TMEM231: variants seen among roughly 807,000 people sequenced by gnomAD.
TMEM231 encodes transmembrane protein 231.
A neutral mutation model predicts 38.5 loss-of-function variants in TMEM231; 40 were observed. That is an observed-to-expected ratio of 1.04 (90% CI 0.81 to 1.35). TMEM231 has a LOEUF of 1.35. TMEM231 is among the 40% of genes most tolerant of loss of function. The pLI, the probability that TMEM231 is intolerant of heterozygous loss-of-function variation, is 0.00. For missense variants in TMEM231, 420 were observed against 416.9 expected, an observed-to-expected ratio of 1.01 and a Z score of -0.07; for synonymous variants, 199 against 181.7, an observed-to-expected ratio of 1.10 and a Z score of -0.77.
chr16:75,551,626 T>C (rs977469784), intron 2 of TMEM231, among the ~76,000 whole-genome samples: 1 of 147,190 alleles, frequency 6.8e-6, no homozygotes, highest in Admixed American at 6.9e-5. Context: ...AGCTTTTAGA[T>C]TTAGACATAT....
At position 75,537,913 on chromosome 16, in the gene TMEM231, G is replaced by A. The variant is rs1221206948; in HGVS notation, c.*2081C>T. On this transcript the variant is annotated 3_prime_UTR_variant, in exon 7 of 7. Transcript: ENST00000258173. ...TTATCCAACACGTAGATTTCACATG[G>A]CATGTGAATCCCACTGAAAACTCAT... 6.6e-6 allele frequency: 1 copy of A among 152,138 alleles called. No individual in the cohort carries two copies. The highest frequency in any genetic ancestry group is 2.4e-5 in the African/African-American group (1 of 41,414). The allele number at this position is 152,138 out of a possible 1,614,324, so 9.4% of individuals were successfully genotyped here.
Position 75,538,357 on chromosome 16 carries a change from C to G in TMEM231, c.*1637G>C, listed in dbSNP as rs569069130. On this transcript the variant is annotated 3_prime_UTR_variant, in exon 7 of 7. Coordinates refer to ENST00000258173, the MANE Select transcript of TMEM231 (RefSeq NM_001077418.3). ...TACAAAACATCATGGGTTCTTTATA[C>G]AAGATTTGCATTAGAATAATTTAAT... 6.6e-6 allele frequency: 1 copy of G among 152,236 alleles called. No individual in the cohort carries two copies. Among genetic ancestry groups the G allele is most frequent in the South Asian group, 2.1e-4 (1 of 4,828 alleles). The allele number at this position is 152,236 out of a possible 1,614,324, so 9.4% of individuals were successfully genotyped here. A position where few individuals can be genotyped will look rare whatever the true frequency, so the allele number is the denominator to read the frequency against.
At position 75,555,177 on chromosome 16, in the gene TMEM231, T is replaced by C. The variant is rs2080796715; in HGVS notation, c.309+627A>G. 2.0e-5 allele frequency: 3 copies of C among 152,224 alleles called. No individual in the cohort carries two copies. In the South Asian group the frequency reaches 6.2e-4, roughly 31 times the overall value. 9.4% of individuals were successfully genotyped at this position (152,224 alleles called of 1,614,324 possible). On this transcript the variant is annotated intron_variant, in intron 2 of 6. Transcript: ENST00000258173. The stretch of plus-strand genomic sequence containing the variant: ...AAATTACAGATTCCTCTCAGCGCTC[T>C]ACTGGTGAAAAAATTTAAAAATAAA...
chr16:75,552,014 T>G (rs137865652), intron 2 of TMEM231, among the ~76,000 whole-genome samples: 29 of 151,960 alleles, frequency 1.9e-4, no homozygotes, highest in Admixed American at 3.3e-4. Context: ...ATAAATTGAT[T>G]CAGGGATTCC....
At chr16:75,546,969 GA>G (rs926264511) in intron 2 of TMEM231, among the ~76,000 whole-genome samples, 2 of 151,980 alleles carry the variant, frequency 1.3e-5, no homozygotes, top group Non-Finnish European at 2.9e-5. Flanking sequence ...GTCTGTAGAG[GA>G]AAAAAGACAA....
chr16:75,539,823 C>A lies in TMEM231; in HGVS notation c.*171G>T. ...CTAGTCCCTGACAATTCTGCAGGAG[C>A]TCTGAAGATACGGAACTGTGTAGAG... On this transcript the variant is annotated 3_prime_UTR_variant, in exon 7 of 7. Transcript: ENST00000258173. The A allele has an allele frequency of 2.0e-6, 1 of 499,362 alleles. No homozygotes were observed. The highest frequency in any genetic ancestry group is 3.5e-6 in the Non-Finnish European group (1 of 288,760). 30.9% of individuals were successfully genotyped at this position (499,362 alleles called of 1,614,324 possible). A position where few individuals can be genotyped will look rare whatever the true frequency, so the allele number is the denominator to read the frequency against.
rs1037435843 is a variant in TMEM231, at chr16:75,539,825, C to G, written c.*169G>C. On this transcript the variant is annotated 3_prime_UTR_variant, in exon 7 of 7. Transcript: ENST00000258173. ...AGTCCCTGACAATTCTGCAGGAGCTCTGAAGATACGGAACTGTGTAGAGCA... is the reference window on the plus strand; with the variant it reads ...AGTCCCTGACAATTCTGCAGGAGCTGTGAAGATACGGAACTGTGTAGAGCA... 5 of 505,546 alleles carry G rather than the reference C, an allele frequency of 9.9e-6. No homozygotes were observed. Among genetic ancestry groups the G allele is most frequent in the Non-Finnish European group, 1.7e-5 (5 of 293,458 alleles). The allele number at this position is 505,546 out of a possible 1,614,324, so 31.3% of individuals were successfully genotyped here. A position where few individuals can be genotyped will look rare whatever the true frequency, so the allele number is the denominator to read the frequency against.
rs1427860165 is a variant in TMEM231 at position 75,537,030 on chromosome 16, G to A, written c.*2964C>T. ...CCAGCTACTCGGGAGGGTAAGGCAG[G>A]AGAATCACTTGAACCTGGGAGGTAG... is the stretch of plus-strand genomic sequence containing the variant. On this transcript the variant is annotated 3_prime_UTR_variant, in exon 7 of 7. Transcript: ENST00000258173. 1 of 150,634 alleles carries A rather than the reference G, an allele frequency of 6.6e-6. No individual in the cohort carries two copies. The highest frequency in any genetic ancestry group is 2.0e-4 in the East Asian group (1 of 5,118). 9.3% of individuals were successfully genotyped at this position (150,634 alleles called of 1,614,324 possible).
At chr16:75,555,766 C>A (rs930012511) in intron 2 of TMEM231, 38 bp downstream of exon 2, 18 of 1,474,470 alleles carry the variant, frequency 1.2e-5, no homozygotes, top group Non-Finnish European at 1.6e-5. Context: ...CCCACCCTAT[C>A]CCCGACTCTG....
chr16:75,554,002 C>T (rs887020807), intron 2 of TMEM231, among the ~76,000 whole-genome samples: 2 of 152,168 alleles, frequency 1.3e-5, no homozygotes, highest in Non-Finnish European at 2.9e-5. Flanking sequence ...CTATCACATA[C>T]CCAATACCTT....
rs1213643810 is a variant in TMEM231, at chr16:75,539,516, G to GAATGGGA, written c.*471_*477dup. On this transcript the variant is annotated 3_prime_UTR_variant, in exon 7 of 7. Transcript: ENST00000258173. ...CCTCAGCTCTGGAAATCAAAGCTGT[G>GAATGGGA]AATGGGAAATGGAGAAGCCCAGGGG... 6.6e-6 allele frequency: 1 copy of GAATGGGA among 151,972 alleles called. No homozygotes were observed. The highest frequency in any genetic ancestry group is 2.4e-5 in the African/African-American group (1 of 41,398). 9.4% of individuals were successfully genotyped at this position (151,972 alleles called of 1,614,324 possible). A position where few individuals can be genotyped will look rare whatever the true frequency, so the allele number is the denominator to read the frequency against.
At chr16:75,546,891 C>A (rs1364385807) in intron 2 of TMEM231, among the ~76,000 whole-genome samples, 1 of 152,018 alleles carries the variant, frequency 6.6e-6, no homozygotes. Flanking sequence ...GAAGCTATGT[C>A]AAATCAGCAA....
At position 75,545,879 on chromosome 16, in the gene TMEM231, T is replaced by C. The variant is rs1212446530; in HGVS notation, c.385A>G (p.Thr129Ala). Residue 129 changes from threonine to alanine, a missense_variant, in exon 3 of 7, where the codon ACG (threonine) becomes GCG (alanine). Transcript: ENST00000258173. ...HFKLELPLQSTEHVLGVQLIL... is the reference protein window; with the variant it reads ...HFKLELPLQSAEHVLGVQLIL... The stretch of plus-strand genomic sequence containing the variant: ...AGCTGCACACCGAGAACGTGCTCCG[T>C]GGACTGCAGGGGAAGCTCCAGCTTA... 1.4e-6 allele frequency: 2 copies of C among 1,460,578 alleles called. No homozygotes were observed. The highest frequency in any genetic ancestry group is 1.8e-6 in the Non-Finnish European group (2 of 1,095,556). 90.5% of individuals were successfully genotyped at this position (1,460,578 alleles called of 1,614,324 possible). A position where few individuals can be genotyped will look rare whatever the true frequency, so the allele number is the denominator to read the frequency against.
rs773052053 is a variant in TMEM231, at chr16:75,556,044, G to A, written c.139+27C>T. The A allele has an allele frequency of 5.7e-6, 9 of 1,566,636 alleles. No individual in the cohort carries two copies. The African/African-American group carries it at 8.2e-5, about 14-fold the overall frequency. ...TGGCCGAGCGCGCCCGGGGAGCCTC[G>A]TGGCACAGCGGCCGGGGCAGGCTCA... On this transcript the variant is annotated intron_variant, in intron 1 of 6. Coordinates refer to ENST00000258173, the MANE Select transcript of TMEM231 (RefSeq NM_001077418.3).
At chr16:75,549,691 G>C (rs1178006294) in intron 2 of TMEM231, among the ~76,000 whole-genome samples, 1 of 152,012 alleles carries the variant, frequency 6.6e-6, no homozygotes, top group Non-Finnish European at 1.5e-5. Context: ...CGCATGTACT[G>C]AGCAGAGTCA....
At chr16:75,545,066 C>T (rs1459485635) in intron 4 of TMEM231, among the ~76,000 whole-genome samples, 1 of 149,220 alleles carries the variant, frequency 6.7e-6, no homozygotes. Context: ...AGCAATTCTC[C>T]TGCCTCAGTC....
intron 2 of TMEM231, 191 bp downstream of exon 2, chr16:75,555,613 A>AG: frequency 1.8e-6 from 1 of 544,782 alleles, no homozygotes; most frequent in East Asian, 3.3e-5. Flanking sequence ...GACATCTGGG[A>AG]GAAGCAGAAT....
rs2080685279 is a variant in TMEM231 at position 75,545,948 on chromosome 16, C to T, written c.316G>A (p.Glu106Lys). 4 of 1,532,482 alleles carry T rather than the reference C, an allele frequency of 2.6e-6. No individual in the cohort carries two copies. In the South Asian group the frequency reaches 3.7e-5, roughly 14 times the overall value. 94.9% of individuals were successfully genotyped at this position (1,532,482 alleles called of 1,614,324 possible). ...TTCCCATCCTGGTTCCTGTCTTCTT[C>T]TCTAGTCTAGGAAACCCAAACAGGC... ...RLRVPLVSTR[E>K]EDRNQDGKTD... Residue 106 changes from glutamate (E) to lysine (K), a missense_variant, in exon 3 of 7, where the codon GAA becomes AAA. Transcript: ENST00000258173.
intron 2 of TMEM231, among the ~76,000 whole-genome samples, chr16:75,550,664 T>C (rs1469753328): frequency 6.6e-6 from 1 of 152,116 alleles, no homozygotes; most frequent in Non-Finnish European, 1.5e-5. Flanking sequence ...TTTGTTGGAA[T>C]TTTGTTTGGT....
Sources: gnomAD v4.1 joint callset for allele counts (sites outside exome capture counted in the v4.1 genomes callset) on GRCh38, gnomAD v4.1.1 for gene constraint, MANE v1.5 for transcripts, NCBI Gene and HGNC (gene_info 2026-07-23, HGNC 2026-07-21) for gene names.